MFN1: variants seen among roughly 807,000 people sequenced by gnomAD.
MFN1 encodes the protein mitofusin 1.
Under a neutral mutation model 92.4 loss-of-function variants are expected in MFN1, and 65 were observed. The ratio of observed to expected loss-of-function variants is 0.70; its 90% CI spans 0.58 to 0.86. The LOEUF (loss-of-function observed/expected upper bound fraction) is 0.86, where lower values mean the gene tolerates loss of function less well. Ranked by LOEUF, MFN1 falls within the 40% of genes least tolerant of loss-of-function variation. The pLI, the probability that MFN1 is intolerant of heterozygous loss-of-function variation, is 0.00. For synonymous variants in MFN1, 297 were observed against 300.9 expected (o/e 0.99, Z 0.13); for missense variants, 781 against 868.0 (o/e 0.90, Z 1.26).
At position 179,364,049 on chromosome 3, in the gene MFN1, G is replaced by A. The variant is rs1161178411; in HGVS notation, c.537-248G>A. 2.6e-5 allele frequency among the ~76,000 whole-genome samples: 4 copies of A among 151,800 alleles called. No homozygotes were observed. In the East Asian group the frequency reaches 7.7e-4, roughly 29 times the overall value. ...GGATATAGCTGCTTGAACCCTCATT[G>A]TTTAGTATCTATTAGCCTAGTTTTA... On this transcript the variant is annotated intron_variant, in intron 5 of 17. Coordinates refer to ENST00000471841, the MANE Select transcript of MFN1 (RefSeq NM_033540.3).
chr3:179,370,700 G>T (rs1206432205), intron 9 of MFN1, among the ~76,000 whole-genome samples: 1 of 152,096 alleles, frequency 6.6e-6, no homozygotes, highest in Non-Finnish European at 1.5e-5. Context: ...GTGAGCCACC[G>T]TGCCTGGCCT....
intron 3 of MFN1, among the ~76,000 whole-genome samples, chr3:179,357,391 A>G (rs934042797): frequency 3.3e-5 from 5 of 152,196 alleles, no homozygotes. Flanking sequence ...GCTTCATGAA[A>G]TGTCCAGAAA....
intron 15 of MFN1, 47 bp downstream of exon 15, chr3:179,385,768 G>C: frequency 6.4e-7 from 1 of 1,565,608 alleles, no homozygotes; most frequent in Non-Finnish European, 8.8e-7. Flanking sequence ...ATGTTTGCAA[G>C]GCTGCCTGTT....
chr3:179,371,203 C>T (rs1038960810), intron 9 of MFN1, among the ~76,000 whole-genome samples: 50 of 151,886 alleles, frequency 3.3e-4, no homozygotes, highest in African/African-American at 1.2e-3. Context: ...GGAGTAAAAG[C>T]AATAAAAAAA....
At chr3:179,367,393 A>G (rs1560194183) in intron 7 of MFN1, 46 bp from the exon 8 acceptor site, 3 of 1,544,534 alleles carry the variant, frequency 1.9e-6, no homozygotes, top group African/African-American at 1.4e-5. Flanking sequence ...TGGTTATTAT[A>G]TTTGTTTAAA....
rs1315318910 is a variant in MFN1, at chr3:179,375,285, A to G, written c.1041A>G (p.Ile347Met). Residue 347 changes from isoleucine (I) to methionine (M), a missense_variant, in exon 10 of 18, where the codon ATA becomes ATG. Physicochemically the swap from Ile to Met is conservative, Grantham distance 10. Coordinates refer to ENST00000471841, the MANE Select transcript of MFN1 (RefSeq NM_033540.3). The part of the protein sequence containing the change: ...FEQHTIRAKQ[I>M]LATVKNIMDS... ...AGCACACTATCAGAGCTAAACAGATACTAGCTACTGTGAAAAACATAATGG... is the reference window on the plus strand; with the variant it reads ...AGCACACTATCAGAGCTAAACAGATGCTAGCTACTGTGAAAAACATAATGG... The G allele has an allele frequency of 1.2e-6, 2 of 1,613,890 alleles. No homozygotes were observed. The highest frequency in any genetic ancestry group is 1.7e-6 in the Non-Finnish European group (2 of 1,179,924).
chr3:179,365,883 A>G (rs1431973441), intron 7 of MFN1, among the ~76,000 whole-genome samples: 1 of 152,202 alleles, frequency 6.6e-6, no homozygotes, highest in Non-Finnish European at 1.5e-5. Flanking sequence ...ATAGTATTCC[A>G]TCTGTGACTA....
intron 5 of MFN1, among the ~76,000 whole-genome samples, chr3:179,362,755 C>T (rs1370913278): frequency 1.3e-5 from 2 of 152,164 alleles, no homozygotes; most frequent in African/African-American, 4.8e-5. Flanking sequence ...CTCACTGCAA[C>T]CTTCGCCTGC....
chr3:179,358,317 A>G (rs933095727), intron 3 of MFN1, among the ~76,000 whole-genome samples: 3 of 151,848 alleles, frequency 2.0e-5, no homozygotes, highest in African/African-American at 7.3e-5. Context: ...ACACCTGGCT[A>G]ATTTTTTGTA....
chr3:179,363,022 T>A (rs948737580), intron 5 of MFN1, among the ~76,000 whole-genome samples: 1 of 152,218 alleles, frequency 6.6e-6, no homozygotes, highest in African/African-American at 2.4e-5. Context: ...CAGTCAAGAT[T>A]GACAGTTGGA....
intron 9 of MFN1, among the ~76,000 whole-genome samples, chr3:179,374,363 T>TA (rs1713146414): frequency 1.4e-5 from 2 of 140,538 alleles, no homozygotes; most frequent in African/African-American, 5.3e-5. Context: ...ATAACATATA[T>TA]ATGTAATATA....
intron 4 of MFN1, 27 bp from the exon 5 acceptor site, chr3:179,362,331 T>C (rs749483451): frequency 3.9e-6 from 6 of 1,553,500 alleles, no homozygotes; most frequent in Non-Finnish European, 5.2e-6. Context: ...AAGTGGAGTT[T>C]ATTTTTTTCT....
chr3:179,358,158 T>G (rs1025010559), intron 3 of MFN1, among the ~76,000 whole-genome samples: 6 of 148,534 alleles, frequency 4.0e-5, no homozygotes, highest in Admixed American at 2.0e-4. Context: ...TTGTTTTTTT[T>G]TTTTTTTTTT....
In MFN1 at chr3:179,367,425, C is replaced by T. The variant is rs780816452; in HGVS notation, c.754-14C>T. 23 of 1,589,354 alleles carry T rather than the reference C, an allele frequency of 1.4e-5. No homozygotes were observed. Among genetic ancestry groups the T allele is most frequent in the African/African-American group, 5.5e-5 (4 of 72,760 alleles). On this transcript the variant is annotated splice_polypyrimidine_tract_variant and intron_variant, in intron 7 of 17. Coordinates refer to ENST00000471841, the MANE Select transcript of MFN1 (RefSeq NM_033540.3). ...TAAATTATTAGAATTCTTTTAATAC[C>T]GTTTTCTCTGTAGGTACGCAGACAG...
chr3:179,366,135 A>C (rs1712780075), intron 7 of MFN1, among the ~76,000 whole-genome samples: 1 of 152,144 alleles, frequency 6.6e-6, no homozygotes, highest in Non-Finnish European at 1.5e-5. Context: ...TAATGAGTAG[A>C]GGTTAGAGAT....
At chr3:179,374,782 A>C (rs1470370978) in intron 9 of MFN1, among the ~76,000 whole-genome samples, 1 of 152,196 alleles carries the variant, frequency 6.6e-6, no homozygotes, top group Non-Finnish European at 1.5e-5. Flanking sequence ...TTCAGCTATT[A>C]AATAAGGAAT....
intron 3 of MFN1, among the ~76,000 whole-genome samples, chr3:179,358,190 G>A (rs528960711): frequency 7.6e-6 from 1 of 132,212 alleles, no homozygotes; most frequent in African/African-American, 2.9e-5. Context: ...TGGCTCTGTC[G>A]CCCAGGCTGG....
intron 4 of MFN1, among the ~76,000 whole-genome samples, chr3:179,360,623 A>G (rs939047797): frequency 6.6e-6 from 1 of 152,134 alleles, no homozygotes; most frequent in Non-Finnish European, 1.5e-5. Context: ...GCAGTTAGTT[A>G]AGGCACTGTT....
chr3:179,354,621 A>G (rs1369032212), intron 3 of MFN1, among the ~76,000 whole-genome samples: 1 of 152,216 alleles, frequency 6.6e-6, no homozygotes, highest in Non-Finnish European at 1.5e-5. Context: ...GTTTATTAAG[A>G]AAATAAAGGA....
Sources: gnomAD v4.1 joint callset for allele counts (sites outside exome capture counted in the v4.1 genomes callset) on GRCh38, gnomAD v4.1.1 for gene constraint, MANE v1.5 for transcripts, NCBI Gene and HGNC (gene_info 2026-07-23, HGNC 2026-07-21) for gene names.